LY9: variants seen among roughly 807,000 people sequenced by gnomAD.
LY9 encodes the protein T-lymphocyte surface antigen Ly-9.
A neutral mutation model predicts 64.6 loss-of-function variants in LY9; 59 were observed. The observed-to-expected ratio is 0.91, with a 90% CI of 0.74 to 1.13. The LOEUF is 1.13. LY9 is among the 50% of genes most tolerant of loss of function. LY9 has a pLI of 0.00. For missense variants in LY9, 789 were observed against 797.2 expected (o/e 0.99, Z 0.12); for synonymous variants, 281 against 308.5 (o/e 0.91, Z 0.93).
chr1:160,817,297 A>G (rs1047832121), intron 5 of LY9, among the ~76,000 whole-genome samples: 6 of 152,242 alleles, frequency 3.9e-5, no homozygotes, highest in African/African-American at 1.4e-4. Flanking sequence ...AAATAGATTT[A>G]TGCACCCAAG....
At chr1:160,800,206 G>T in intron 2 of LY9, 124 bp downstream of exon 2, 1 of 680,182 alleles carries the variant, frequency 1.5e-6, no homozygotes. Flanking sequence ...AGTTTTCAGT[G>T]TGTCTGCTGC....
intron 7 of LY9, among the ~76,000 whole-genome samples, chr1:160,820,733 C>T (rs1226045704): frequency 6.6e-6 from 1 of 152,190 alleles, no homozygotes; most frequent in East Asian, 1.9e-4. Context: ...CAGAACCCTT[C>T]TTGAACCTCC....
chr1:160,809,242 A>G (rs1249361221), intron 2 of LY9, among the ~76,000 whole-genome samples: 1 of 151,408 alleles, frequency 6.6e-6, no homozygotes, highest in African/African-American at 2.4e-5. Flanking sequence ...CTTGCCTCCA[A>G]TTCCTGGGCT....
At chr1:160,817,800 G>T (rs567368295) in intron 5 of LY9, among the ~76,000 whole-genome samples, 1 of 152,246 alleles carries the variant, frequency 6.6e-6, no homozygotes, top group South Asian at 2.1e-4. Flanking sequence ...AAAAAGGTAC[G>T]GTCTACCCAG....
chr1:160,802,345 T>C (rs1284664912), intron 2 of LY9: 9 of 988,078 alleles, frequency 9.1e-6, no homozygotes, highest in Non-Finnish European at 1.1e-5. Flanking sequence ...CGGGAGGCCA[T>C]CCGGGCCTGC....
intron 7 of LY9, among the ~76,000 whole-genome samples, chr1:160,822,270 T>C (rs1390864331): frequency 1.3e-5 from 2 of 152,092 alleles, no homozygotes; most frequent in Non-Finnish European, 2.9e-5. Flanking sequence ...TGCTGGTGAA[T>C]GCGCTGAGTT....
At chr1:160,816,887 C>T in intron 5 of LY9, 24 bp downstream of exon 5, 3 of 1,613,036 alleles carry the variant, frequency 1.9e-6, no homozygotes, top group Non-Finnish European at 2.5e-6. Flanking sequence ...TCTATTTACT[C>T]AGGTCACAGG....
chr1:160,825,101 A>T (rs1668783212), intron 9 of LY9, among the ~76,000 whole-genome samples: 1 of 151,866 alleles, frequency 6.6e-6, no homozygotes, highest in East Asian at 1.9e-4. Context: ...CCAGCTACTT[A>T]GGACACTTAA....
chr1:160,819,847 GGAAGGA>G (rs1668264090), intron 7 of LY9, among the ~76,000 whole-genome samples: 2 of 114,600 alleles, frequency 1.7e-5, no homozygotes, highest in Non-Finnish European at 3.7e-5. Flanking sequence ...AAGGAAGGAA[GGAAGGA>G]AGGGAGGGAG....
rs1253623879 is a variant in LY9, at chr1:160,813,852, C to G, written c.671C>G (p.Ala224Gly). 1 of 1,614,202 alleles carries G rather than the reference C, an allele frequency of 6.2e-7. No individual in the cohort carries two copies. The highest frequency in any genetic ancestry group is 1.7e-5 in the Admixed American group (1 of 60,028). ...CCAGACCTGCCATACATCTGCACAG[C>G]CCAGAACCCCGTCAGCCAGAGAAGC... ...CDPDLPYICT[A>G]QNPVSQRSSL... is the part of the protein sequence containing the mutation. Residue 224 changes from alanine to glycine, a missense_variant, in exon 3 of 10, where the codon GCC becomes GGC. Ala to Gly is a moderately conservative substitution (Grantham distance 60). Transcript: ENST00000263285.
At chr1:160,804,142 G>A (rs755849416) in intron 2 of LY9, among the ~76,000 whole-genome samples, 3 of 152,210 alleles carry the variant, frequency 2.0e-5, no homozygotes, top group Non-Finnish European at 2.9e-5. Context: ...TAAAAGTAGT[G>A]AAAGTGGGTA....
At position 160,813,676 on chromosome 1, in the gene LY9, G is replaced by A. The variant is rs1667703007; in HGVS notation, c.495G>A (p.Lys165=). The change falls in exon 3 of 10, where the codon AAG becomes AAA. Residue 165 remains lysine (K), a synonymous_variant. Transcript: ENST00000263285. ...QEPQVTMKSV[K]VSENFSCNIT... The stretch of plus-strand genomic sequence containing the variant: ...CCCAAGTCACCATGAAGTCTGTGAA[G>A]GTGTCTGAGAACTTCTCCTGTAACA... 1.2e-6 allele frequency: 2 copies of A among 1,614,126 alleles called. No individual in the cohort carries two copies. The highest frequency in any genetic ancestry group is 1.7e-6 in the Non-Finnish European group (2 of 1,180,014).
chr1:160,814,054 C>T (rs1003294218), intron 3 of LY9, 143 bp downstream of exon 3: 32 of 873,056 alleles, frequency 3.7e-5, no homozygotes, highest in East Asian at 1.5e-4. Context: ...TCTCTACTCT[C>T]AGGGACATGA....
Position 160,827,797 on chromosome 1 carries a change from C to T in LY9, c.1949C>T (p.Thr650Ile). ...QNDLEIPESP[T>I]YENFT Reference sequence around the variant, plus strand: ...GATCTTGAGATTCCTGAAAGTCCTACCTATGAAAATTTCACCTGAAAGGAA... The same window carrying T: ...GATCTTGAGATTCCTGAAAGTCCTATCTATGAAAATTTCACCTGAAAGGAA... Residue 650 changes from threonine to isoleucine, a missense_variant, in exon 10 of 10, where the codon ACC becomes ATC. Physicochemically the swap from Thr to Ile is moderately conservative, Grantham distance 89. Coordinates refer to ENST00000263285, the MANE Select transcript of LY9 (RefSeq NM_002348.4). 1.2e-6 allele frequency: 2 copies of T among 1,608,834 alleles called. No homozygotes were observed. Among genetic ancestry groups the T allele is most frequent in the African/African-American group, 2.7e-5 (2 of 74,726 alleles).
Position 160,827,869 on chromosome 1 carries a change from C to A in LY9, c.*53C>A. 1.4e-6 allele frequency: 2 copies of A among 1,468,074 alleles called. No individual in the cohort carries two copies. The highest frequency in any genetic ancestry group is 2.3e-5 in the East Asian group (1 of 43,042). 90.9% of individuals were successfully genotyped at this position (1,468,074 alleles called of 1,614,324 possible). A position where few individuals can be genotyped will look rare whatever the true frequency, so the allele number is the denominator to read the frequency against. ...TGGGACCGTGGGGTTGGAAAGTCAG[C>A]TGGACCTCATGGGGCCTGGGGCTCA... On this transcript the variant is annotated 3_prime_UTR_variant, in exon 10 of 10. Transcript: ENST00000263285.
intron 2 of LY9, among the ~76,000 whole-genome samples, chr1:160,801,620 A>C (rs1666487057): frequency 6.6e-6 from 1 of 152,076 alleles, no homozygotes; most frequent in Non-Finnish European, 1.5e-5. Flanking sequence ...TCATAAATTT[A>C]TTTGTCCAGA....
intron 2 of LY9, among the ~76,000 whole-genome samples, chr1:160,809,426 A>G: frequency 6.6e-6 from 1 of 151,814 alleles, no homozygotes. Context: ...GCTAGTCGCA[A>G]ACTCCTGGAC....
chr1:160,820,227 C>T (rs2101822545), intron 7 of LY9, among the ~76,000 whole-genome samples: 1 of 152,168 alleles, frequency 6.6e-6, no homozygotes, highest in East Asian at 1.9e-4. Context: ...GACTGTACAA[C>T]CTATTACCTA....
chr1:160,797,074 A>G, intron 1 of LY9: 1 of 983,112 alleles, frequency 1.0e-6, no homozygotes, highest in Non-Finnish European at 1.2e-6. Context: ...TTATCTGGAT[A>G]TCCTTTTCTC....
Sources: gnomAD v4.1 joint callset for allele counts (sites outside exome capture counted in the v4.1 genomes callset) on GRCh38, gnomAD v4.1.1 for gene constraint, MANE v1.5 for transcripts, NCBI Gene and HGNC (gene_info 2026-07-23, HGNC 2026-07-21) for gene names.